EPHA4: variants seen among roughly 807,000 people sequenced by gnomAD.
EPHA4 encodes ephrin type-A receptor 4.
A neutral mutation model predicts 108.3 loss-of-function variants in EPHA4; 19 were observed. The ratio of observed to expected loss-of-function variants is 0.18; its 90% CI spans 0.12 to 0.26. The LOEUF is 0.26. Among genes scored for constraint, EPHA4 ranks in the 10% least tolerant of loss-of-function variants. The probability of loss-of-function intolerance (pLI) is 1.00; values close to 1 mark genes in which losing one functional copy is unlikely to be tolerated. For synonymous variants in EPHA4, 449 were observed against 455.5 expected (o/e 0.99, Z 0.18); for missense variants, 917 against 1,254.0 (o/e 0.73, Z 4.06).
intron 8 of EPHA4, among the ~76,000 whole-genome samples, chr2:221,446,620 G>T (rs1400058734): frequency 1.3e-5 from 2 of 152,020 alleles, no homozygotes; most frequent in Admixed American, 1.3e-4. Flanking sequence ...TCAAATGGCA[G>T]TAATGTTCAG....
chr2:221,430,527 C>A (rs554415228), intron 14 of EPHA4, among the ~76,000 whole-genome samples: 1 of 151,686 alleles, frequency 6.6e-6, no homozygotes, highest in Non-Finnish European at 1.5e-5. Context: ...AAACACTCTT[C>A]GCAAAAGAGA....
intron 5 of EPHA4, among the ~76,000 whole-genome samples, chr2:221,475,517 T>C (rs1691627255): frequency 6.6e-6 from 1 of 152,232 alleles, no homozygotes; most frequent in Non-Finnish European, 1.5e-5. Context: ...TTCTCAACCT[T>C]GTTCTTACTG....
In EPHA4 at chr2:221,455,558, G is replaced by A; in HGVS notation, c.1704C>T (p.Val568=). 6.2e-7 allele frequency: 1 copy of A among 1,613,728 alleles called. No homozygotes were observed. The highest frequency in any genetic ancestry group is 8.5e-7 in the Non-Finnish European group (1 of 1,179,742). ...VLVVILIAAF[V]ISRRRSKYSK... ...GCTTCAGTGCTTACCTCCGGCTGAT[G>A]ACAAAAGCTGCAATGAGAATTACCA... The change falls in exon 8 of 18, where the codon GTC becomes GTT. Residue 568 remains valine, a synonymous_variant. Coordinates refer to ENST00000281821, the MANE Select transcript of EPHA4 (RefSeq NM_004438.5).
At chr2:221,556,253 A>G (rs1694297233) in intron 3 of EPHA4, among the ~76,000 whole-genome samples, 2 of 152,180 alleles carry the variant, frequency 1.3e-5, no homozygotes, top group Admixed American at 6.5e-5. Context: ...CTGTTGTCCA[A>G]AACAAAAGTA....
At position 221,418,997 on chromosome 2, in the gene EPHA4, ATATT is replaced by A. The variant is rs1452881517; in HGVS notation, c.*2371_*2374del. Reference sequence around the variant, plus strand: ...CACACACCCTGTCAGAATGTAATAAATATTTATTGATGATTTTCTCTACTTATTC... The same window carrying A: ...CACACACCCTGTCAGAATGTAATAAATATTGATGATTTTCTCTACTTATTC... On this transcript the variant is annotated 3_prime_UTR_variant, in exon 18 of 18. Coordinates refer to ENST00000281821, the MANE Select transcript of EPHA4 (RefSeq NM_004438.5). 6.6e-6 allele frequency: 1 copy of A among 152,654 alleles called. No homozygotes were observed. Among genetic ancestry groups the A allele is most frequent in the African/African-American group, 2.4e-5 (1 of 41,464 alleles). 9.5% of individuals were successfully genotyped at this position (152,654 alleles called of 1,614,324 possible).
intron 3 of EPHA4, among the ~76,000 whole-genome samples, chr2:221,522,764 A>T (rs556540668): frequency 0.022 from 3,003 of 138,278 alleles, 83 homozygotes; most frequent in Admixed American, 0.066. Flanking sequence ...TATTATTATT[A>T]TTATTATTAT....
chr2:221,509,628 T>A (rs1692763653), intron 3 of EPHA4, among the ~76,000 whole-genome samples: 1 of 152,224 alleles, frequency 6.6e-6, no homozygotes, highest in Admixed American at 6.5e-5. Context: ...TATTTAATTT[T>A]GGTTACCTTA....
intron 11 of EPHA4, among the ~76,000 whole-genome samples, chr2:221,439,514 G>T (rs1306810333): frequency 6.6e-6 from 1 of 151,006 alleles, no homozygotes; most frequent in African/African-American, 2.4e-5. Context: ...AAGAGACAGG[G>T]TCTGGCTCTG....
intron 8 of EPHA4, among the ~76,000 whole-genome samples, chr2:221,448,849 A>G (rs963463018): frequency 9.9e-5 from 15 of 152,192 alleles, no homozygotes; most frequent in African/African-American, 3.6e-4. Flanking sequence ...CAATGAAACA[A>G]AAACCTGGAA....
intron 5 of EPHA4, among the ~76,000 whole-genome samples, chr2:221,459,522 A>T (rs921203068): frequency 6.6e-6 from 1 of 151,576 alleles, no homozygotes; most frequent in African/African-American, 2.4e-5. Flanking sequence ...AAATGTGCTC[A>T]TTACATTCAT....
At position 221,425,217 on chromosome 2, in the gene EPHA4, T is replaced by C. The variant is rs1157554033; in HGVS notation, c.*811A>G. The C allele has an allele frequency of 2.6e-5, 4 of 152,546 alleles. No individual in the cohort carries two copies. Among genetic ancestry groups the C allele is most frequent in the Non-Finnish European group, 4.4e-5 (3 of 68,046 alleles). The allele number at this position is 152,546 out of a possible 1,614,324, so 9.4% of individuals were successfully genotyped here. ...TTGGTTGTTGGACTTACCTTGCAGA[T>C]CTGGGGTCGCTTCTTTAAAGGAGCG... On this transcript the variant is annotated 3_prime_UTR_variant, in exon 17 of 18. Transcript: ENST00000281821.
chr2:221,566,917 A>G (rs1574666225), intron 2 of EPHA4, among the ~76,000 whole-genome samples: 2 of 51,784 alleles, frequency 3.9e-5, no homozygotes, highest in African/African-American at 1.1e-4. Flanking sequence ...GGAGAAGGAG[A>G]AGGAGAAGGA....
At chr2:221,524,308 G>T (rs773352802) in intron 3 of EPHA4, among the ~76,000 whole-genome samples, 14 of 152,210 alleles carry the variant, frequency 9.2e-5, no homozygotes, top group Non-Finnish European at 1.6e-4. Flanking sequence ...GTAAAAGAAA[G>T]AACAAGTGAA....
At chr2:221,499,410 T>C (rs1437891183) in intron 4 of EPHA4, among the ~76,000 whole-genome samples, 1 of 150,198 alleles carries the variant, frequency 6.7e-6, no homozygotes, top group Non-Finnish European at 1.5e-5. Context: ...ATAAACCACG[T>C]ATTAAGATTT....
chr2:221,467,405 T>C (rs1688480235), intron 5 of EPHA4, among the ~76,000 whole-genome samples: 1 of 152,242 alleles, frequency 6.6e-6, no homozygotes, highest in African/African-American at 2.4e-5. Context: ...ATCATACTTA[T>C]TACTAGAAAG....
At chr2:221,555,295 T>C (rs572452592) in intron 3 of EPHA4, among the ~76,000 whole-genome samples, 1 of 152,348 alleles carries the variant, frequency 6.6e-6, no homozygotes, top group East Asian at 1.9e-4. Context: ...GGGCTCTGCA[T>C]AAACAGAAGG....
At chr2:221,475,343 A>G (rs1038309290) in intron 5 of EPHA4, among the ~76,000 whole-genome samples, 8 of 152,246 alleles carry the variant, frequency 5.3e-5, no homozygotes, top group African/African-American at 1.7e-4. Flanking sequence ...AAGCAAAGTT[A>G]TGACTGAAAT....
chr2:221,465,355 T>C (rs1691276487), intron 5 of EPHA4, among the ~76,000 whole-genome samples: 1 of 152,216 alleles, frequency 6.6e-6, no homozygotes, highest in African/African-American at 2.4e-5. Context: ...ATTTTCTTTA[T>C]GCCAGAGAGA....
chr2:221,434,256 T>C lies in EPHA4; in HGVS notation c.2382A>G (p.Glu794=), dbSNP rs1690163826. ...ATGTGAATTTACGATAGGCAATTGCTTCTGGCGCAGTCCACCGGATAGGAA... is the reference window on the plus strand; with the variant it reads ...ATGTGAATTTACGATAGGCAATTGCCTCTGGCGCAGTCCACCGGATAGGAA... ...GKIPIRWTAP[E]AIAYRKFTSA... The change falls in exon 14 of 18, where the codon GAA becomes GAG. Residue 794 remains glutamate, a synonymous_variant. Coordinates refer to ENST00000281821, the MANE Select transcript of EPHA4 (RefSeq NM_004438.5). 6.2e-7 allele frequency: 1 copy of C among 1,614,050 alleles called. No individual in the cohort carries two copies. The highest frequency in any genetic ancestry group is 8.5e-7 in the Non-Finnish European group (1 of 1,180,000).
Sources: allele counts gnomAD v4.1 joint callset (sites outside exome capture counted in the v4.1 genomes callset), GRCh38; gene constraint gnomAD v4.1.1; transcripts MANE v1.5; gene names NCBI Gene and HGNC (gene_info 2026-07-23, HGNC 2026-07-21).